ABI3: variants seen among roughly 807,000 people sequenced by gnomAD.
ABI3 encodes ABI gene family member 3.
ABI3 carries 24 observed loss-of-function variants against 37.0 expected under a neutral mutation model. The observed-to-expected ratio is 0.65, with a 90% CI of 0.47 to 0.91. The LOEUF (loss-of-function observed/expected upper bound fraction) is 0.91, where lower values mean the gene tolerates loss of function less well. Among genes scored for constraint, ABI3 ranks in the 40% least tolerant of loss-of-function variants. The pLI, the probability that ABI3 is intolerant of heterozygous loss-of-function variation, is 0.00. For missense variants in ABI3, 481 were observed against 485.1 expected (o/e 0.99, Z 0.08); for synonymous variants, 220 against 211.8 (o/e 1.04, Z -0.34).
Position 49,220,226 on chromosome 17 carries a change from C to T in ABI3, c.702C>T (p.Ala234=), listed in dbSNP as rs748908202. 8.1e-6 allele frequency: 13 copies of T among 1,611,768 alleles called. No homozygotes were observed. The highest frequency in any genetic ancestry group is 2.0e-4 in the Middle Eastern group (1 of 5,096). Residue 234 remains alanine, a synonymous_variant, in exon 6 of 8, where the codon GCC becomes GCT. Coordinates refer to ENST00000225941, the MANE Select transcript of ABI3 (RefSeq NM_016428.3). ...CCAAGGGGCAGGCAGCACCTCCAGCCCCACCTCTCCCCAGCTCCTTGGACC... is the reference window on the plus strand; with the variant it reads ...CCAAGGGGCAGGCAGCACCTCCAGCTCCACCTCTCCCCAGCTCCTTGGACC... ...PTPKGQAAPP[A]PPLPSSLDPP...
At chr17:49,216,363 G>C (rs376966834) in intron 1 of ABI3, among the ~76,000 whole-genome samples, 168 bp from the exon 2 acceptor site, 2 of 152,176 alleles carry the variant, frequency 1.3e-5, no homozygotes, top group African/African-American at 4.8e-5. Context: ...GTTGTAGCAA[G>C]TTCCTCTTGC....
intron 7 of ABI3, 106 bp from the exon 8 acceptor site, chr17:49,222,446 C>T (rs925507136): frequency 9.3e-5 from 135 of 1,455,878 alleles, no homozygotes; most frequent in Non-Finnish European, 9.0e-5. Context: ...CCCAAGATGG[C>T]CCCTAGAGTC....
At chr17:49,215,542 G>A (rs2043210661) in intron 1 of ABI3, among the ~76,000 whole-genome samples, 1 of 151,642 alleles carries the variant, frequency 6.6e-6, no homozygotes, top group African/African-American at 2.4e-5. Context: ...CTGTCACGCA[G>A]GCTGGAGTGC....
At position 49,219,891 on chromosome 17, in the gene ABI3, GCCGGTGGTGCC is replaced by G; in HGVS notation, c.584_594del (p.Pro195ArgfsTer89). ...CCCGGATTCCCGAGCCAGTGCACCT[GCCGGTGGTGCC>G]CGACGGCAGACTCTCCGCCGCCTCC... is the stretch of plus-strand genomic sequence containing the variant. On this transcript the variant is annotated frameshift_variant, in exon 5 of 8. Coordinates refer to ENST00000225941, the MANE Select transcript of ABI3 (RefSeq NM_016428.3). LOFTEE classifies it high-confidence loss of function. The surrounding 1 kb of genome is among the most constrained non-coding windows in gnomAD (Gnocchi z 4.3). 6.4e-7 allele frequency: 1 copy of G among 1,552,880 alleles called. No homozygotes were observed. Among genetic ancestry groups the G allele is most frequent in the Non-Finnish European group, 8.7e-7 (1 of 1,154,506 alleles).
At chr17:49,211,270 G>A (rs1418861325) in intron 1 of ABI3, among the ~76,000 whole-genome samples, 1 of 152,202 alleles carries the variant, frequency 6.6e-6, no homozygotes, top group East Asian at 1.9e-4. Flanking sequence ...ATGGACAAGG[G>A]AAAGGGGCTC....
chr17:49,215,229 A>G (rs888971398), intron 1 of ABI3, among the ~76,000 whole-genome samples: 18 of 152,308 alleles, frequency 1.2e-4, no homozygotes, highest in African/African-American at 3.1e-4. Context: ...CAGAAGCCCA[A>G]TGGCCAATGT....
chr17:49,219,669 G>A lies in ABI3; in HGVS notation c.548+44G>A. The A allele has an allele frequency of 2.0e-6, 3 of 1,534,658 alleles. No homozygotes were observed. Among genetic ancestry groups the A allele is most frequent in the Non-Finnish European group, 1.8e-6 (2 of 1,129,530 alleles). On this transcript the variant is annotated intron_variant, in intron 4 of 7. Transcript: ENST00000225941. The surrounding 1 kb of genome is among the most constrained non-coding windows in gnomAD (Gnocchi z 4.3). ...GCCAACTAGCCTAGCCCTGCCCCGC[G>A]CGACCCTGAAACTCTCCTCCCCCAG...
rs759494930 is a variant in ABI3, at chr17:49,220,230, C to T, written c.706C>T (p.Pro236Ser). The change falls in exon 6 of 8, where the codon CCT becomes TCT. Residue 236 changes from proline to serine, a missense_variant. By Grantham distance (74) the Pro-to-Ser change is moderately conservative. Coordinates refer to ENST00000225941, the MANE Select transcript of ABI3 (RefSeq NM_016428.3). ...GGGGCAGGCAGCACCTCCAGCCCCA[C>T]CTCTCCCCAGCTCCTTGGACCCACC... ...PKGQAAPPAP[P>S]LPSSLDPPPP... is the part of the protein sequence containing the mutation. 3.7e-6 allele frequency: 6 copies of T among 1,611,846 alleles called. No homozygotes were observed. In the South Asian group the frequency reaches 6.6e-5, roughly 18 times the overall value.
chr17:49,217,634 T>G, intron 2 of ABI3, 105 bp from the exon 3 acceptor site: 1 of 1,077,304 alleles, frequency 9.3e-7, no homozygotes, highest in Non-Finnish European at 1.3e-6. Flanking sequence ...TTTCTAGACC[T>G]GGCTGCCTCC....
At position 49,219,509 on chromosome 17, in the gene ABI3, A is replaced by G. The variant is rs752536829; in HGVS notation, c.463-31A>G. Reference sequence around the variant, plus strand: ...GGGTGGAGGGAGGCCCCTCACCCCAAATGTAAGCCCTACCTCCCGCTCCCT... The same window carrying G: ...GGGTGGAGGGAGGCCCCTCACCCCAGATGTAAGCCCTACCTCCCGCTCCCT... On this transcript the variant is annotated intron_variant, in intron 3 of 7. Transcript: ENST00000225941. This position sits in a 1 kb window ranked among gnomAD's most constrained non-coding sequence, Gnocchi z 4.3. 6.4e-7 allele frequency: 1 copy of G among 1,560,290 alleles called. No individual in the cohort carries two copies. Among genetic ancestry groups the G allele is most frequent in the Non-Finnish European group, 8.7e-7 (1 of 1,148,916 alleles).
rs771548372 is a variant in ABI3, at chr17:49,219,919, G to A, written c.610G>A (p.Ala204Thr). Residue 204 changes from alanine to threonine, a missense_variant, in exon 5 of 8, where the codon GCC becomes ACC. Ala to Thr is a moderately conservative substitution (Grantham distance 58). Transcript: ENST00000225941. This position sits in a 1 kb window ranked among gnomAD's most constrained non-coding sequence, Gnocchi z 4.3. ...GGTGGTGCCCGACGGCAGACTCTCC[G>A]CCGCCTCCTCTGCGTTTTCCCTGGC... is the stretch of plus-strand genomic sequence containing the variant. ...LPVVPDGRLS[A>T]ASSAFSLASA... The A allele has an allele frequency of 9.6e-6, 15 of 1,557,074 alleles. No individual in the cohort carries two copies. Among genetic ancestry groups the A allele is most frequent in the South Asian group, 9.3e-5 (8 of 85,614 alleles).
rs747735844 is a variant in ABI3, at chr17:49,220,208, G to A, written c.684G>A (p.Gly228=). 6.2e-7 allele frequency: 1 copy of A among 1,612,396 alleles called. No individual in the cohort carries two copies. The highest frequency in any genetic ancestry group is 1.1e-5 in the South Asian group (1 of 90,982). Residue 228 remains glycine (G), a synonymous_variant, in exon 6 of 8, where the codon GGG becomes GGA. Coordinates refer to ENST00000225941, the MANE Select transcript of ABI3 (RefSeq NM_016428.3). ...TCGGTGGGGCCCCCACGCCCAAGGG[G>A]CAGGCAGCACCTCCAGCCCCACCTC... ...EGVGGAPTPK[G]QAAPPAPPLP... is the part of the protein sequence containing the mutation.
chr17:49,215,822 G>A (rs547519386), intron 1 of ABI3, among the ~76,000 whole-genome samples: 5 of 151,198 alleles, frequency 3.3e-5, no homozygotes, highest in South Asian at 4.2e-4. Flanking sequence ...TAAAAATGTC[G>A]GCTGGGCACG....
chr17:49,216,541 A>AG lies in ABI3; in HGVS notation c.129dup (p.Arg44AlafsTer244). On this transcript the variant is annotated frameshift_variant, in exon 2 of 8. Transcript: ENST00000225941. LOFTEE classifies it high-confidence loss of function. ...CTGTGTGTATTTCAGGCCACAGACA[A>AG]GCGGAAGGCGCTGGAGGAGACCATG... 6.3e-7 allele frequency: 1 copy of AG among 1,585,310 alleles called. No homozygotes were observed. The highest frequency in any genetic ancestry group is 8.6e-7 in the Non-Finnish European group (1 of 1,165,982).
At chr17:49,220,393 C>T in intron 6 of ABI3, 67 bp downstream of exon 6, 1 of 1,513,428 alleles carries the variant, frequency 6.6e-7, no homozygotes, top group Non-Finnish European at 8.9e-7. Flanking sequence ...ACTCCCCAGC[C>T]CACCTCTCTT....
rs778278221 is a variant in ABI3, at chr17:49,219,450, C to G, written c.463-90C>G. Reference sequence around the variant, plus strand: ...ATGCCGGGCTCTCCCTCCCGGTTCCCGTCCGCCCCTCCTCCATTTCCTCTT... The same window carrying G: ...ATGCCGGGCTCTCCCTCCCGGTTCCGGTCCGCCCCTCCTCCATTTCCTCTT... On this transcript the variant is annotated intron_variant, in intron 3 of 7. Coordinates refer to ENST00000225941, the MANE Select transcript of ABI3 (RefSeq NM_016428.3). The surrounding 1 kb of genome is among the most constrained non-coding windows in gnomAD (Gnocchi z 4.3). 10 of 1,192,586 alleles carry G rather than the reference C, an allele frequency of 8.4e-6. No individual in the cohort carries two copies. The highest frequency in any genetic ancestry group is 1.2e-5 in the Non-Finnish European group (10 of 843,028). The allele number at this position is 1,192,586 out of a possible 1,614,324, so 73.9% of individuals were successfully genotyped here. A position where few individuals can be genotyped will look rare whatever the true frequency, so the allele number is the denominator to read the frequency against.
intron 2 of ABI3, 123 bp downstream of exon 2, chr17:49,216,821 C>A: frequency 2.5e-6 from 3 of 1,201,168 alleles, no homozygotes; most frequent in Non-Finnish European, 3.3e-6. Context: ...CCCAACTCTA[C>A]AGCAGAAGGT....
Position 49,223,059 on chromosome 17 carries a change from C to T in ABI3, c.*344C>T. 3 of 425,696 alleles carry T rather than the reference C, an allele frequency of 7.0e-6. No individual in the cohort carries two copies. The highest frequency in any genetic ancestry group is 1.2e-5 in the Non-Finnish European group (3 of 241,208). 26.4% of individuals were successfully genotyped at this position (425,696 alleles called of 1,614,324 possible). Reference sequence around the variant, plus strand: ...TAAGGGGCCAGGAGGGATTGAAAGGCATCCCAGTTCTAAGGCTGCTGCTAA... The same window carrying T: ...TAAGGGGCCAGGAGGGATTGAAAGGTATCCCAGTTCTAAGGCTGCTGCTAA... On this transcript the variant is annotated 3_prime_UTR_variant, in exon 8 of 8. Coordinates refer to ENST00000225941, the MANE Select transcript of ABI3 (RefSeq NM_016428.3).
intron 7 of ABI3, 124 bp from the exon 8 acceptor site, chr17:49,222,428 A>G: frequency 7.2e-7 from 1 of 1,396,230 alleles, no homozygotes; most frequent in South Asian, 1.3e-5. Context: ...AAGGCTTGCA[A>G]GAAGGCCCCC....
Sources: gnomAD v4.1 joint callset for allele counts (sites outside exome capture counted in the v4.1 genomes callset) on GRCh38, gnomAD v4.1.1 for gene constraint, Gnocchi (gnomAD v3.1) non-coding constraint, MANE v1.5 for transcripts, NCBI Gene and HGNC (gene_info 2026-07-23, HGNC 2026-07-21) for gene names.